The following VEGFC variants were observed in gnomAD, a reference collection of about 807,000 sequenced individuals.
VEGFC encodes FLT4 ligand DHM.
A neutral mutation model predicts 46.1 loss-of-function variants in VEGFC; 12 were observed. The observed-to-expected ratio is 0.26, with a 90% CI of 0.17 to 0.42. VEGFC has a LOEUF of 0.42. Among genes scored for constraint, VEGFC ranks in the 10% least tolerant of loss-of-function variants. The pLI is 1.00. For missense variants in VEGFC, 488 were observed against 529.4 expected (o/e 0.92, Z 0.77); for synonymous variants, 232 against 195.5 (o/e 1.19, Z -1.56).
chr4:176,695,359 A>G (rs981667769), intron 4 of VEGFC, among the ~76,000 whole-genome samples: 36 of 151,956 alleles, frequency 2.4e-4, no homozygotes, highest in African/African-American at 7.5e-4. Context: ...ACCTCTATGC[A>G]AATAAACTAG....
intron 3 of VEGFC, among the ~76,000 whole-genome samples, chr4:176,719,526 C>T (rs1323536248): frequency 6.6e-6 from 1 of 152,146 alleles, no homozygotes; most frequent in Non-Finnish European, 1.5e-5. Flanking sequence ...GCCTCGACCT[C>T]CCTTGGTTTA....
At chr4:176,770,630 T>G (rs1165784135) in intron 1 of VEGFC, among the ~76,000 whole-genome samples, 2 of 148,762 alleles carry the variant, frequency 1.3e-5, no homozygotes, top group Admixed American at 6.6e-5. Context: ...TTTTCGACTT[T>G]GAAATTATCT....
intron 4 of VEGFC, among the ~76,000 whole-genome samples, chr4:176,693,729 A>C (rs1734254252): frequency 7.2e-6 from 1 of 138,044 alleles, no homozygotes; most frequent in Non-Finnish European, 1.5e-5. Context: ...GCCAGAGAGA[A>C]AGGTCTGGTT....
intron 4 of VEGFC, among the ~76,000 whole-genome samples, chr4:176,699,924 G>A (rs187247234): frequency 7.3e-4 from 111 of 152,310 alleles, no homozygotes; most frequent in Admixed American, 2.0e-3. Context: ...GCATGAACTT[G>A]TGTTAGCGTC....
At chr4:176,767,123 T>TAAAAAAAAAAAAAAAAAA (rs70964805) in intron 1 of VEGFC, among the ~76,000 whole-genome samples, 3 of 50,482 alleles carry the variant, frequency 5.9e-5, no homozygotes, top group African/African-American at 8.3e-5. Context: ...TGTAGAAATC[T>TAAAAAAAAAAAAAAAAAA]AAAAAAAAAA....
chr4:176,698,028 A>G (rs868783718), intron 4 of VEGFC, among the ~76,000 whole-genome samples: 21 of 152,052 alleles, frequency 1.4e-4, no homozygotes, highest in African/African-American at 5.1e-4. Flanking sequence ...AGATATACCT[A>G]ATGGTAGATG....
chr4:176,737,916 T>C (rs189671326), intron 1 of VEGFC, among the ~76,000 whole-genome samples: 50 of 152,018 alleles, frequency 3.3e-4, no homozygotes, highest in African/African-American at 1.2e-3. Flanking sequence ...AAAGGTTTAA[T>C]GGTTGTGATG....
At chr4:176,741,719 G>C (rs1489842520) in intron 1 of VEGFC, among the ~76,000 whole-genome samples, 1 of 151,368 alleles carries the variant, frequency 6.6e-6, no homozygotes, top group Non-Finnish European at 1.5e-5. Flanking sequence ...AAGAAAATCT[G>C]AATTGCAACC....
At position 176,792,536 on chromosome 4, in the gene VEGFC, G is replaced by GGCGGCGGGTGTCAA. The variant is rs1736121217; in HGVS notation, c.-226_-225insTTGACACCCGCCGC. 1.0e-5 allele frequency: 4 copies of GGCGGCGGGTGTCAA among 395,768 alleles called. No individual in the cohort carries two copies. Among genetic ancestry groups the GGCGGCGGGTGTCAA allele is most frequent in the Non-Finnish European group, 1.8e-5 (4 of 225,250 alleles). 24.5% of individuals were successfully genotyped at this position (395,768 alleles called of 1,614,324 possible). ...TGCCGGGGAAAGGCGGCGGGTGTCA[G>GGCGGCGGGTGTCAA]GTAAAAGCCTCACAGGAAACCGGAC... On this transcript the variant is annotated 5_prime_UTR_variant, in exon 1 of 7. The change abolishes the stop of an existing upstream ORF in the 5' untranslated region. Coordinates refer to ENST00000618562, the MANE Select transcript of VEGFC (RefSeq NM_005429.5). This position sits in a 1 kb window ranked among gnomAD's most constrained non-coding sequence, Gnocchi z 6.3.
chr4:176,770,118 T>G (rs1331505808), intron 1 of VEGFC, among the ~76,000 whole-genome samples: 1 of 152,204 alleles, frequency 6.6e-6, no homozygotes, highest in Non-Finnish European at 1.5e-5. Context: ...TTCTGCAAAC[T>G]TGATTAAATA....
At chr4:176,786,115 GGCTTCTGAGAA>G (rs559218795) in intron 1 of VEGFC, among the ~76,000 whole-genome samples, 203 of 152,256 alleles carry the variant, frequency 1.3e-3, no homozygotes, top group African/African-American at 3.9e-3. Context: ...AGTTGAAAAT[GGCTTCTGAGAA>G]GCTTCTGAGA....
At chr4:176,693,311 C>T (rs1442449757) in intron 4 of VEGFC, among the ~76,000 whole-genome samples, 4 of 135,748 alleles carry the variant, frequency 2.9e-5, no homozygotes, top group African/African-American at 3.4e-5. Flanking sequence ...AACCAAGGCT[C>T]GAGAACTACG....
intron 3 of VEGFC, among the ~76,000 whole-genome samples, chr4:176,727,503 A>G (rs1313633994): frequency 2.6e-5 from 4 of 152,164 alleles, no homozygotes; most frequent in African/African-American, 9.7e-5. Context: ...ATGTACACAC[A>G]TACATACGTA....
intron 2 of VEGFC, 101 bp downstream of exon 2, chr4:176,729,432 G>T (rs1734923837): frequency 2.2e-6 from 2 of 906,012 alleles, no homozygotes; most frequent in Non-Finnish European, 1.6e-6. Flanking sequence ...CGCCCTAAAG[G>T]TGTATTCGGT....
At chr4:176,745,225 C>G (rs952433824) in intron 1 of VEGFC, among the ~76,000 whole-genome samples, 1 of 152,102 alleles carries the variant, frequency 6.6e-6, no homozygotes, top group African/African-American at 2.4e-5. Flanking sequence ...TGAATATCTA[C>G]TGGTGCTACC....
chr4:176,733,694 T>A (rs1331167402), intron 1 of VEGFC, among the ~76,000 whole-genome samples: 2 of 151,808 alleles, frequency 1.3e-5, no homozygotes, highest in Admixed American at 6.6e-5. Context: ...GTTATACAAC[T>A]CTAGTTGTCA....
At chr4:176,791,013 A>G (rs776292986) in intron 1 of VEGFC, among the ~76,000 whole-genome samples, 1 of 152,228 alleles carries the variant, frequency 6.6e-6, no homozygotes, top group Non-Finnish European at 1.5e-5. Context: ...CAAAATTTAA[A>G]TGCAAAGGTA....
At chr4:176,684,103 C>A in intron 6 of VEGFC, 63 bp from the exon 7 acceptor site, 1 of 1,167,050 alleles carries the variant, frequency 8.6e-7, no homozygotes, top group Non-Finnish European at 1.3e-6. Flanking sequence ...ATCATGCTAC[C>A]AAGGTATTTC....
At chr4:176,764,535 T>C (rs1264412827) in intron 1 of VEGFC, among the ~76,000 whole-genome samples, 1 of 152,164 alleles carries the variant, frequency 6.6e-6, no homozygotes. Context: ...CAAGAATGTA[T>C]GCAACAGTCT....
Sources: allele counts gnomAD v4.1 joint callset (sites outside exome capture counted in the v4.1 genomes callset), GRCh38; gene constraint gnomAD v4.1.1; non-coding constraint Gnocchi (gnomAD v3.1); transcripts MANE v1.5; gene names NCBI Gene and HGNC (gene_info 2026-07-23, HGNC 2026-07-21).